Variants in LUZP2 observed in about 807,000 individuals in gnomAD.
LUZP2 encodes leucine zipper protein 2.
In LUZP2, 52 loss-of-function variants were observed where a neutral mutation model predicts 51.6. That is an observed-to-expected ratio of 1.01 (90% confidence interval 0.81 to 1.27). LUZP2 has a LOEUF of 1.27. Among genes scored for constraint, LUZP2 ranks in the 50% most tolerant of loss-of-function variants. The pLI is 0.00. For synonymous variants in LUZP2, 154 were observed against 137.3 expected, an observed-to-expected ratio of 1.12 and a Z score of -0.85; for missense variants, 436 against 395.4, an observed-to-expected ratio of 1.10 and a Z score of -0.87.
chr11:24,845,552 T>C (rs1188732968), intron 5 of LUZP2, among the ~76,000 whole-genome samples: 1 of 152,104 alleles, frequency 6.6e-6, no homozygotes, highest in South Asian at 2.1e-4. Context: ...GGCAGAATGA[T>C]ACGGTTTGGC....
chr11:24,981,895 A>C (rs955371325), intron 8 of LUZP2, among the ~76,000 whole-genome samples: 1 of 151,286 alleles, frequency 6.6e-6, no homozygotes, highest in African/African-American at 2.4e-5. Context: ...ATATACAAGG[A>C]ATTTAAATTT....
At chr11:24,752,456 C>G (rs912275693) in intron 4 of LUZP2, among the ~76,000 whole-genome samples, 2 of 152,090 alleles carry the variant, frequency 1.3e-5, no homozygotes, top group Non-Finnish European at 2.9e-5. Flanking sequence ...AAATACTGTA[C>G]TCAAAAACAG....
chr11:24,508,367 C>A (rs1259873939), intron 1 of LUZP2, among the ~76,000 whole-genome samples: 1 of 152,146 alleles, frequency 6.6e-6, no homozygotes, highest in Admixed American at 6.6e-5. Context: ...CAAAATGTTA[C>A]TTTTTCTCAG....
chr11:24,870,983 G>A (rs1032080779), intron 5 of LUZP2, among the ~76,000 whole-genome samples: 4 of 151,794 alleles, frequency 2.6e-5, no homozygotes, highest in Admixed American at 6.6e-5. Context: ...TTTTATACTA[G>A]TATAAAATAT....
intron 7 of LUZP2, among the ~76,000 whole-genome samples, chr11:24,941,582 G>A (rs986235685): frequency 1.3e-5 from 2 of 152,118 alleles, no homozygotes; most frequent in Non-Finnish European, 2.9e-5. Context: ...GGCATTTATA[G>A]TCTAATGTAG....
chr11:24,698,779 C>G (rs1857328951), intron 1 of LUZP2, among the ~76,000 whole-genome samples: 1 of 152,036 alleles, frequency 6.6e-6, no homozygotes, highest in South Asian at 2.1e-4. Context: ...AACCAGTTAT[C>G]CAGGCCAGGC....
rs551821300 is a variant in LUZP2, at chr11:24,533,412, A to T, written c.62+36107A>T. ...GAAATTGATATTTTCATATTCATTTATTTATTTAACAAAATAATACTTGCA... is the reference window on the plus strand; with the variant it reads ...GAAATTGATATTTTCATATTCATTTTTTTATTTAACAAAATAATACTTGCA... On this transcript the variant is annotated intron_variant, in intron 1 of 11. Transcript: ENST00000336930. Among the ~76,000 whole-genome samples the T allele has an allele frequency of 1.4e-3, 219 of 151,434 alleles. 2 individuals carry two copies. The highest frequency in any genetic ancestry group is 4.7e-3 in the African/African-American group (196 of 41,462).
intron 5 of LUZP2, among the ~76,000 whole-genome samples, chr11:24,842,692 T>C (rs994503490): frequency 2.0e-5 from 3 of 151,932 alleles, no homozygotes; most frequent in Non-Finnish European, 4.4e-5. Context: ...AGGGAAGAAA[T>C]AATAATAAAA....
intron 5 of LUZP2, among the ~76,000 whole-genome samples, chr11:24,905,047 T>C (rs953707101): frequency 6.6e-6 from 1 of 152,068 alleles, no homozygotes; most frequent in Admixed American, 6.6e-5. Context: ...GATAACAGGG[T>C]CATTACAGTA....
At chr11:24,747,169 G>A (rs1419769670) in intron 4 of LUZP2, among the ~76,000 whole-genome samples, 1 of 152,104 alleles carries the variant, frequency 6.6e-6, no homozygotes, top group Non-Finnish European at 1.5e-5. Context: ...CTTCTCATTT[G>A]TTAGGCTCTG....
intron 1 of LUZP2, among the ~76,000 whole-genome samples, chr11:24,715,258 C>T: frequency 1.1e-5 from 1 of 91,528 alleles, no homozygotes. Context: ...ATTCAAGGAG[C>T]AACTATGTGT....
chr11:24,997,402 C>G (rs1373158009), intron 9 of LUZP2, among the ~76,000 whole-genome samples: 1 of 152,098 alleles, frequency 6.6e-6, no homozygotes, highest in African/African-American at 2.4e-5. Flanking sequence ...TGTTTTTTGG[C>G]TGCATAAATG....
At chr11:25,009,591 T>C (rs79041308) in intron 9 of LUZP2, among the ~76,000 whole-genome samples, 4,860 of 152,258 alleles carry the variant, frequency 0.032, 234 homozygotes, top group African/African-American at 0.11. Context: ...GGGATCACCA[T>C]GTCATTATAA....
intron 7 of LUZP2, among the ~76,000 whole-genome samples, chr11:24,968,079 A>T (rs1855638997): frequency 6.6e-6 from 1 of 152,172 alleles, no homozygotes; most frequent in Non-Finnish European, 1.5e-5. Flanking sequence ...CCAGTACTTA[A>T]AAAGTTCAAG....
intron 1 of LUZP2, among the ~76,000 whole-genome samples, chr11:24,515,803 A>G (rs1006286779): frequency 6.6e-6 from 1 of 152,218 alleles, no homozygotes; most frequent in South Asian, 2.1e-4. Flanking sequence ...GGCTCTGTGC[A>G]TCAGGGTGGG....
intron 8 of LUZP2, among the ~76,000 whole-genome samples, chr11:24,979,628 G>C (rs1323369101): frequency 4.6e-5 from 7 of 151,714 alleles, no homozygotes; most frequent in Admixed American, 3.3e-4. Flanking sequence ...ATAATATCAA[G>C]AGCTAAGAAT....
At chr11:24,746,075 G>A (rs1365185463) in intron 4 of LUZP2, among the ~76,000 whole-genome samples, 1 of 152,144 alleles carries the variant, frequency 6.6e-6, no homozygotes, top group Admixed American at 6.6e-5. Flanking sequence ...CATTTCAATC[G>A]TTGTGCTGTT....
chr11:24,500,814 T>C (rs991356036), intron 1 of LUZP2, among the ~76,000 whole-genome samples: 3 of 152,158 alleles, frequency 2.0e-5, no homozygotes, highest in African/African-American at 7.2e-5. Flanking sequence ...CTTAGAGGTC[T>C]CTCCTGGACT....
intron 1 of LUZP2, among the ~76,000 whole-genome samples, chr11:24,629,567 T>TATATAC (rs1554965556): frequency 1.4e-5 from 2 of 147,540 alleles, no homozygotes; most frequent in East Asian, 3.9e-4. Flanking sequence ...TATATATATA[T>TATATAC]ACCATATTTT....
Sources: gnomAD v4.1 joint callset for allele counts (sites outside exome capture counted in the v4.1 genomes callset) on GRCh38, gnomAD v4.1.1 for gene constraint, MANE v1.5 for transcripts, NCBI Gene and HGNC (gene_info 2026-07-23, HGNC 2026-07-21) for gene names.